PACSIN2: variants seen among roughly 807,000 people sequenced by gnomAD.
PACSIN2 encodes the protein protein kinase C and casein kinase substrate in neurons 2, also known as protein kinase C and casein kinase substrate in neurons protein 2.
A neutral mutation model predicts 63.8 loss-of-function variants in PACSIN2; 25 were observed. The ratio of observed to expected loss-of-function variants is 0.39; its 90% CI spans 0.29 to 0.55. The LOEUF (loss-of-function observed/expected upper bound fraction) is 0.55, where lower values mean the gene tolerates loss of function less well. Among genes scored for constraint, PACSIN2 ranks in the 20% least tolerant of loss-of-function variants. PACSIN2 has a pLI of 0.62. For synonymous variants in PACSIN2, 255 were observed against 256.2 expected, an observed-to-expected ratio of 1.00 and a Z score of 0.05; for missense variants, 518 against 646.9, an observed-to-expected ratio of 0.80 and a Z score of 2.16.
intron 1 of PACSIN2, among the ~76,000 whole-genome samples, chr22:42,982,127 G>T (rs1922212072): frequency 7.6e-6 from 1 of 132,226 alleles, no homozygotes; most frequent in Non-Finnish European, 1.6e-5. Context: ...AGGGAGGTGG[G>T]GGGACAGCCC....
At chr22:42,974,772 A>T (rs966393368) in intron 1 of PACSIN2, among the ~76,000 whole-genome samples, 12 of 150,650 alleles carry the variant, frequency 8.0e-5, no homozygotes, top group Admixed American at 3.3e-4. Flanking sequence ...AAAAGAAAAG[A>T]AAAGAGAAGA....
At chr22:42,918,923 CTG>C (rs1931982882) in intron 1 of PACSIN2, among the ~76,000 whole-genome samples, 1 of 152,162 alleles carries the variant, frequency 6.6e-6, no homozygotes, top group Non-Finnish European at 1.5e-5. Context: ...GCTGAGGAGA[CTG>C]AGAGGCTTCT....
intron 6 of PACSIN2, 98 bp from the exon 7 acceptor site, chr22:42,882,402 C>T: frequency 2.2e-6 from 3 of 1,382,834 alleles, no homozygotes; most frequent in Non-Finnish European, 2.9e-6. Context: ...GGTCTCTGCC[C>T]TCTGTGAGTT....
chr22:42,911,022 A>T (rs934664971), intron 2 of PACSIN2, among the ~76,000 whole-genome samples: 1 of 151,572 alleles, frequency 6.6e-6, no homozygotes, highest in African/African-American at 2.4e-5. Flanking sequence ...CTCCTGCCTC[A>T]GCCTCCCAAA....
chr22:42,957,835 T>C (rs1272789887), intron 1 of PACSIN2, among the ~76,000 whole-genome samples: 1 of 152,192 alleles, frequency 6.6e-6, no homozygotes, highest in Admixed American at 6.5e-5. Context: ...TGTATTAAGT[T>C]TGGCATTCTC....
At chr22:42,949,079 G>C (rs1282414554) in intron 1 of PACSIN2, among the ~76,000 whole-genome samples, 1 of 152,154 alleles carries the variant, frequency 6.6e-6, no homozygotes, top group Non-Finnish European at 1.5e-5. Context: ...GATTGCTTGA[G>C]CCCAGGAGTT....
intron 1 of PACSIN2, among the ~76,000 whole-genome samples, chr22:42,923,988 G>A (rs1314622120): frequency 6.6e-6 from 1 of 151,852 alleles, no homozygotes; most frequent in East Asian, 1.9e-4. Context: ...GCAGCAGTGA[G>A]TTACGATTGT....
At chr22:42,889,510 G>T (rs577637107) in intron 4 of PACSIN2, among the ~76,000 whole-genome samples, 1 of 152,208 alleles carries the variant, frequency 6.6e-6, no homozygotes, top group South Asian at 2.1e-4. Flanking sequence ...ATTATGAATG[G>T]GGCCAGGGAC....
chr22:42,912,260 T>C (rs1402164304), intron 1 of PACSIN2, 103 bp from the exon 2 acceptor site: 5 of 558,808 alleles, frequency 8.9e-6, no homozygotes, highest in Non-Finnish European at 1.2e-5. Flanking sequence ...CTGCCTTCAG[T>C]ACAGGGCGGT....
At chr22:42,975,348 G>A (rs561142066) in intron 1 of PACSIN2, among the ~76,000 whole-genome samples, 11 of 152,004 alleles carry the variant, frequency 7.2e-5, no homozygotes, top group African/African-American at 2.4e-4. Context: ...GCTGGGCATG[G>A]TGGCTCATGC....
rs1428592494 is a variant in PACSIN2, at chr22:43,015,043, G to C, written c.-100C>G. 1 of 152,330 alleles carries C rather than the reference G, an allele frequency of 6.6e-6. No homozygotes were observed. Among genetic ancestry groups the C allele is most frequent in the East Asian group, 1.9e-4 (1 of 5,164 alleles). 9.4% of individuals were successfully genotyped at this position (152,330 alleles called of 1,614,324 possible). Reference sequence around the variant, plus strand: ...CACCTCCCAATCCGTCGCACACTCCGTTCAGGCTGCCACGGCGTCTCCAGA... The same window carrying C: ...CACCTCCCAATCCGTCGCACACTCCCTTCAGGCTGCCACGGCGTCTCCAGA... On this transcript the variant is annotated 5_prime_UTR_variant, in exon 1 of 11. Coordinates refer to ENST00000263246, the MANE Select transcript of PACSIN2 (RefSeq NM_001184970.3).
At chr22:42,927,188 G>C (rs1932591920) in intron 1 of PACSIN2, among the ~76,000 whole-genome samples, 1 of 151,742 alleles carries the variant, frequency 6.6e-6, no homozygotes, top group South Asian at 2.1e-4. Context: ...GCCATCCTGT[G>C]TTCTGCTTTC....
intron 7 of PACSIN2, among the ~76,000 whole-genome samples, chr22:42,879,399 G>A (rs1928905012): frequency 6.6e-6 from 1 of 152,226 alleles, no homozygotes; most frequent in Non-Finnish European, 1.5e-5. Context: ...GGGCTCATCA[G>A]GGGATCTGGA....
Position 42,870,545 on chromosome 22 carries a change from T to TA in PACSIN2, c.*811dup, listed in dbSNP as rs1401220782. The TA allele has an allele frequency of 6.6e-6, 1 of 152,234 alleles. No homozygotes were observed. Among genetic ancestry groups the TA allele is most frequent in the African/African-American group, 2.4e-5 (1 of 41,448 alleles). The allele number at this position is 152,234 out of a possible 1,614,324, so 9.4% of individuals were successfully genotyped here. ...TTACAGATGCATTTGCTTGAAAAGT[T>TA]AGTCTTCTTTTTAACTCTGAATCAG... On this transcript the variant is annotated 3_prime_UTR_variant, in exon 11 of 11. Coordinates refer to ENST00000263246, the MANE Select transcript of PACSIN2 (RefSeq NM_001184970.3).
chr22:43,014,542 C>T (rs1319707087), intron 1 of PACSIN2, among the ~76,000 whole-genome samples: 11 of 152,126 alleles, frequency 7.2e-5, no homozygotes, highest in Admixed American at 6.5e-4. Flanking sequence ...AGCGTTGCTC[C>T]GGCACCCTCG....
intron 1 of PACSIN2, among the ~76,000 whole-genome samples, chr22:43,009,050 TC>T (rs1569375984): frequency 2.0e-5 from 3 of 152,132 alleles, no homozygotes; most frequent in African/African-American, 4.8e-5. Flanking sequence ...AGAAAAACAG[TC>T]CTTTCCGGCA....
intron 2 of PACSIN2, among the ~76,000 whole-genome samples, chr22:42,898,799 C>T (rs1179074174): frequency 6.6e-6 from 1 of 152,284 alleles, no homozygotes; most frequent in East Asian, 1.9e-4. Flanking sequence ...CCAATGTCAG[C>T]CAAGCCTCAG....
intron 10 of PACSIN2, among the ~76,000 whole-genome samples, chr22:42,875,498 G>T (rs2284091): frequency 0.65 from 99,126 of 151,666 alleles, 34,198 homozygotes; most frequent in African/African-American, 0.87. Context: ...GCCTCCCAGA[G>T]AGCTGGGACT....
In PACSIN2 at chr22:42,893,568, G is replaced by C; in HGVS notation, c.106C>G (p.Arg36Gly). ...CAGTTCATGAGGTCGCTGCACAGGCGGTGGCCATCGTCGATCCGCTTCACA... is the reference window on the plus strand; with the variant it reads ...CAGTTCATGAGGTCGCTGCACAGGCCGTGGCCATCGTCGATCCGCTTCACA... ...RTVKRIDDGH[R>G]LCSDLMNCLH... The change falls in exon 3 of 11, where the codon CGC (arginine) becomes GGC (glycine). Residue 36 changes from arginine (R) to glycine (G), a missense_variant. Transcript: ENST00000263246. 6.2e-7 allele frequency: 1 copy of C among 1,614,124 alleles called. No homozygotes were observed. Among genetic ancestry groups the C allele is most frequent in the Non-Finnish European group, 8.5e-7 (1 of 1,180,024 alleles).
Sources: gnomAD v4.1 joint callset for allele counts (sites outside exome capture counted in the v4.1 genomes callset) on GRCh38, gnomAD v4.1.1 for gene constraint, MANE v1.5 for transcripts, NCBI Gene and HGNC (gene_info 2026-07-23, HGNC 2026-07-21) for gene names.